Variants in DNHD1 observed in about 807,000 individuals in gnomAD.
DNHD1 encodes the protein dynein heavy chain domain 1.
DNHD1 carries 383 observed loss-of-function variants against 458.1 expected under a neutral mutation model. The observed-to-expected ratio is 0.84, with a 90% CI of 0.77 to 0.91. The LOEUF (loss-of-function observed/expected upper bound fraction) is 0.91, where lower values mean the gene tolerates loss of function less well. Among genes scored for constraint, DNHD1 ranks in the 40% least tolerant of loss-of-function variants. The pLI is 0.00. For missense variants in DNHD1, 5,336 were observed against 5,866.1 expected (o/e 0.91, Z 2.95); for synonymous variants, 2,203 against 2,376.9 (o/e 0.93, Z 2.13).
rs779094668 is a variant in DNHD1 at position 6,570,801 on chromosome 11, G to A, written c.13289G>A (p.Arg4430Lys). The change falls in exon 42 of 43, where the codon AGA (arginine) becomes AAA (lysine). Residue 4430 changes from arginine to lysine, a missense_variant. Physicochemically the swap from Arg to Lys is conservative, Grantham distance 26. Coordinates refer to ENST00000254579, the MANE Select transcript of DNHD1 (RefSeq NM_144666.3). ...CCCGTGTGGGTTCCTGAGTCTCGAAGAGGCGCCCAGCTTGCGGAAAGGCGA... is the reference window on the plus strand; with the variant it reads ...CCCGTGTGGGTTCCTGAGTCTCGAAAAGGCGCCCAGCTTGCGGAAAGGCGA... The part of the protein sequence containing the change: ...SSPVWVPESR[R>K]GAQLAERRLR... The A allele has an allele frequency of 8.1e-6, 13 of 1,613,812 alleles. No individual in the cohort carries two copies. The South Asian group carries it at 1.4e-4, about 18-fold the overall frequency.
In DNHD1 at chr11:6,509,100, A is replaced by G. The variant is rs1225357540; in HGVS notation, c.1124+17A>G. 3 of 1,614,142 alleles carry G rather than the reference A, an allele frequency of 1.9e-6. No homozygotes were observed. Among genetic ancestry groups the G allele is most frequent in the African/African-American group, 1.3e-5 (1 of 75,040 alleles). On this transcript the variant is annotated intron_variant, in intron 5 of 42. Transcript: ENST00000254579. ...CTTTACCTGGTAGGTAATGACGGAT[A>G]TGTGATTTGGGGGGAAATGGATGAC...
chr11:6,570,996 T>A lies in DNHD1; in HGVS notation c.13484T>A (p.Leu4495Ter). 1 of 1,601,316 alleles carries A rather than the reference T, an allele frequency of 6.2e-7. No individual in the cohort carries two copies. The highest frequency in any genetic ancestry group is 8.5e-7 in the Non-Finnish European group (1 of 1,170,940). Residue 4495 changes from leucine to a stop codon, truncating the protein, a stop_gained, in exon 42 of 43, where the codon TTG becomes TAG. Transcript: ENST00000254579. LOFTEE classifies it high-confidence loss of function. Reference protein sequence around the residue: ...LETEALELSQLVGTLQRDLDC... With the variant: ...LETEALELSQ ...ACCGAGGCTCTAGAACTGAGCCAGT[T>A]GGTGGGCACGCTACAACGCGACCTT...
In DNHD1 at chr11:6,528,646, C is replaced by T. The variant is rs1342787233; in HGVS notation, c.1962C>T (p.His654=). The T allele has an allele frequency of 6.4e-7, 1 of 1,551,628 alleles. No homozygotes were observed. The highest frequency in any genetic ancestry group is 1.2e-5 in the South Asian group (1 of 84,070). Residue 654 remains histidine, a synonymous_variant, in exon 11 of 43, where the codon CAC becomes CAT. Coordinates refer to ENST00000254579, the MANE Select transcript of DNHD1 (RefSeq NM_144666.3). ...NVGLVWPWKS[H]PIAGILEVRG... ...GATTGGTGTGGCCCTGGAAGTCTCA[C>T]CCAATTGCTGGTATCTTGGAGGTCC...
chr11:6,558,027 A>T lies in DNHD1; in HGVS notation c.8732A>T (p.His2911Leu). ...ITLASSICQA[H>L]FFHLPSGSEE... ...CTGGCTTCTAGCATTTGTCAGGCCC[A>T]TTTCTTTCATCTACCATCTGGGTCA... Residue 2911 changes from histidine to leucine, a missense_variant, in exon 25 of 43, where the codon CAT (histidine) becomes CTT (leucine). By Grantham distance (99) the His-to-Leu change is moderately conservative (BLOSUM62 -3). This residue lies in a region of DNHD1 where 3,932 missense variants were observed against 4,365.6 expected (regional missense o/e 0.90). Coordinates refer to ENST00000254579, the MANE Select transcript of DNHD1 (RefSeq NM_144666.3). 6.4e-7 allele frequency: 1 copy of T among 1,551,568 alleles called. No individual in the cohort carries two copies. Among genetic ancestry groups the T allele is most frequent in the Non-Finnish European group, 8.7e-7 (1 of 1,146,968 alleles).
Position 6,548,353 on chromosome 11 carries a change from T to C in DNHD1, c.7049T>C (p.Leu2350Pro). ...CTGGTCCCCTTCACTGGCCAATACC[T>C]GAGCAGCCACATCAAAGGAACTTTG... Reference protein sequence around the residue: ...GTLVPFTGQYLSSHIKGTLGT... With the variant: ...GTLVPFTGQYPSSHIKGTLGT... The change falls in exon 23 of 43, where the codon CTG becomes CCG. Residue 2350 changes from leucine to proline, a missense_variant. Leu to Pro is a moderately conservative substitution (Grantham distance 98). Transcript: ENST00000254579. The surrounding 1 kb of genome is among the most constrained non-coding windows in gnomAD (Gnocchi z 4.4). The C allele has an allele frequency of 6.4e-7, 1 of 1,551,700 alleles. No individual in the cohort carries two copies. Among genetic ancestry groups the C allele is most frequent in the Non-Finnish European group, 8.7e-7 (1 of 1,147,000 alleles).
At chr11:6,551,027 C>T (rs1218440202) in intron 24 of DNHD1, among the ~76,000 whole-genome samples, 1 of 152,184 alleles carries the variant, frequency 6.6e-6, no homozygotes, top group Non-Finnish European at 1.5e-5. Context: ...AAACATTATA[C>T]TCACCAACTG....
chr11:6,526,945 T>C (rs145781055), intron 10 of DNHD1, among the ~76,000 whole-genome samples: 1 of 152,344 alleles, frequency 6.6e-6, no homozygotes, highest in East Asian at 1.9e-4. Flanking sequence ...TGTTGCTTCA[T>C]TGTTTCCCTC....
rs369840664 is a variant in DNHD1 at position 6,571,307 on chromosome 11, G to A, written c.13795G>A (p.Glu4599Lys). The change falls in exon 42 of 43, where the codon GAA becomes AAA. Residue 4599 changes from glutamate (E) to lysine (K), a missense_variant. This residue lies in a region of DNHD1 where 698 missense variants were observed against 664.9 expected (regional missense o/e 1.05). Transcript: ENST00000254579. This position sits in a 1 kb window ranked among gnomAD's most constrained non-coding sequence, Gnocchi z 5.0. ...CCGCCTGCTGCTGGCATTGCGTGGG[G>A]AAGCTGCCCTGGACCAGAATGTGCC... ...PRRLLLALRG[E>K]AALDQNVPSS... The A allele has an allele frequency of 2.6e-4, 417 of 1,612,396 alleles. 7 individuals are homozygous for A. In the South Asian group the frequency reaches 3.4e-3, roughly 13 times the overall value.
intron 28 of DNHD1, among the ~76,000 whole-genome samples, chr11:6,561,093 G>A (rs1285491548): frequency 1.3e-5 from 2 of 152,122 alleles, no homozygotes; most frequent in South Asian, 2.1e-4. Context: ...TACATGTCAA[G>A]TATTTAAATG....
At chr11:6,541,148 G>GT (rs1261751568) in intron 18 of DNHD1, among the ~76,000 whole-genome samples, 1 of 152,184 alleles carries the variant, frequency 6.6e-6, no homozygotes, top group African/African-American at 2.4e-5. Context: ...GATTAAGACA[G>GT]TATGGGAGTT....
At position 6,511,421 on chromosome 11, in the gene DNHD1, C is replaced by T. The variant is rs767947865; in HGVS notation, c.1384C>T (p.Leu462Phe). ...HRCLNLCTSI[L>F]RLVHEDTYHM... ...TTGCCTAAACCTCTGCACATCCATT[C>T]TTCGACTGGTAAGAGGCTCTTAGTT... Residue 462 changes from leucine (L) to phenylalanine (F), a missense_variant, in exon 7 of 43, where the codon CTT becomes TTT. Coordinates refer to ENST00000254579, the MANE Select transcript of DNHD1 (RefSeq NM_144666.3). 5.6e-6 allele frequency: 9 copies of T among 1,614,144 alleles called. No individual in the cohort carries two copies. The highest frequency in any genetic ancestry group is 7.6e-6 in the Non-Finnish European group (9 of 1,179,996).
rs1268726074 is a variant in DNHD1 at position 6,519,785 on chromosome 11, C to T, written c.1578C>T (p.Tyr526=). 2 of 1,613,728 alleles carry T rather than the reference C, an allele frequency of 1.2e-6. No homozygotes were observed. The part of the protein sequence containing the change: ...QLGKFARLVD[Y]MICQSLISVL... ...GAAAGTTTGCCCGCCTGGTTGACTA[C>T]ATGATTTGTCAGAGCCTCATTTCTG... The change falls in exon 8 of 43, where the codon TAC becomes TAT. Residue 526 remains tyrosine, a synonymous_variant. Transcript: ENST00000254579.
At position 6,547,451 on chromosome 11, in the gene DNHD1, A is replaced by T; in HGVS notation, c.6512A>T (p.Gln2171Leu). The change falls in exon 21 of 43, where the codon CAG (glutamine) becomes CTG (leucine). Residue 2171 changes from glutamine (Q) to leucine (L), a missense_variant. Physicochemically the swap from Gln to Leu is moderately radical, Grantham distance 113. Transcript: ENST00000254579. Reference sequence around the variant, plus strand: ...TCCCTTCCTTATGAGTACCGCCTGCAGCACCGGACAGTCGCTGAGCTCAAC... The same window carrying T: ...TCCCTTCCTTATGAGTACCGCCTGCTGCACCGGACAGTCGCTGAGCTCAAC... Reference protein sequence around the residue: ...MASLPYEYRLQHRTVAELNHM... With the variant: ...MASLPYEYRLLHRTVAELNHM... 1 of 1,551,408 alleles carries T rather than the reference A, an allele frequency of 6.4e-7. No homozygotes were observed. Among genetic ancestry groups the T allele is most frequent in the Non-Finnish European group, 8.7e-7 (1 of 1,146,716 alleles).
At chr11:6,503,011 G>A (rs963746152) in intron 4 of DNHD1, 85 bp downstream of exon 4, 13 of 1,455,114 alleles carry the variant, frequency 8.9e-6, no homozygotes, top group African/African-American at 1.4e-5. Flanking sequence ...CTCCACGTGC[G>A]CACCCTTCTC....
chr11:6,509,299 T>A (rs1852291309), intron 6 of DNHD1, 27 bp downstream of exon 6: 1 of 1,574,638 alleles, frequency 6.4e-7, no homozygotes, highest in Middle Eastern at 1.7e-4. Context: ...ACAACTTCAT[T>A]GAGTTTTTAA....
In DNHD1 at chr11:6,508,910, C is replaced by T; in HGVS notation, c.951C>T (p.Asp317=). ...RPYSLMVVPP[D]KVNPEHYIFS... Reference sequence around the variant, plus strand: ...ACAGCCTGATGGTGGTGCCACCCGACAAGGTGAATCCCGAGCACTACATCT... The same window carrying T: ...ACAGCCTGATGGTGGTGCCACCCGATAAGGTGAATCCCGAGCACTACATCT... Residue 317 remains aspartate (D), a synonymous_variant, in exon 5 of 43, where the codon GAC becomes GAT. Transcript: ENST00000254579. 1 of 1,614,176 alleles carries T rather than the reference C, an allele frequency of 6.2e-7. No homozygotes were observed. The highest frequency in any genetic ancestry group is 8.5e-7 in the Non-Finnish European group (1 of 1,180,026).
intron 12 of DNHD1, among the ~76,000 whole-genome samples, chr11:6,529,953 C>T (rs1295940946): frequency 1.3e-5 from 2 of 152,298 alleles, no homozygotes; most frequent in African/African-American, 2.4e-5. Context: ...GCTGGCTACC[C>T]CCATGGCTTT....
At position 6,571,861 on chromosome 11, in the gene DNHD1, G is replaced by C; in HGVS notation, c.14137G>C (p.Gly4713Arg). 6.2e-7 allele frequency: 1 copy of C among 1,614,036 alleles called. No homozygotes were observed. The highest frequency in any genetic ancestry group is 8.5e-7 in the Non-Finnish European group (1 of 1,179,904). ...GTACTCGTGTCCTGTGTACATGGGA[G>C]GGCCCCTTGGCACCGCTAAGCTGCA... The part of the protein sequence containing the change: ...TVYSCPVYMG[G>R]PLGTAKLQSR... Residue 4713 changes from glycine to arginine, a missense_variant, in exon 43 of 43, where the codon GGG (glycine) becomes CGG (arginine). Physicochemically the swap from Gly to Arg is moderately radical, Grantham distance 125 (BLOSUM62 -2). Coordinates refer to ENST00000254579, the MANE Select transcript of DNHD1 (RefSeq NM_144666.3). This position sits in a 1 kb window ranked among gnomAD's most constrained non-coding sequence, Gnocchi z 5.0.
Position 6,545,231 on chromosome 11 carries a change from A to T in DNHD1, c.4292A>T (p.Glu1431Val). The T allele has an allele frequency of 1.3e-6, 2 of 1,551,736 alleles. No homozygotes were observed. The highest frequency in any genetic ancestry group is 1.7e-6 in the Non-Finnish European group (2 of 1,146,994). ...GCAGTGCTAGGGGCAGGTGGGGAGG[A>T]GGTGAAGCTGCAGGGTCCCCTTCCT... ...ALAVLGAGGE[E>V]VKLQGPLPLH... is the part of the protein sequence containing the mutation. Residue 1431 changes from glutamate (E) to valine (V), a missense_variant, in exon 21 of 43, where the codon GAG (glutamate) becomes GTG (valine). Physicochemically the swap from Glu to Val is moderately radical, Grantham distance 121. Around this residue, in one of 4 missense-constraint regions of DNHD1, gnomAD observed 3,932 missense variants for 4,365.6 expected, o/e 0.90. Transcript: ENST00000254579. The surrounding 1 kb of genome is among the most constrained non-coding windows in gnomAD (Gnocchi z 4.9).
Sources: allele counts gnomAD v4.1 joint callset (sites outside exome capture counted in the v4.1 genomes callset), GRCh38; gene constraint gnomAD v4.1.1; regional missense constraint gnomAD v4.1.1; non-coding constraint Gnocchi (gnomAD v3.1); transcripts MANE v1.5; gene names NCBI Gene and HGNC (gene_info 2026-07-23, HGNC 2026-07-21).